Variants in REPS1 observed in about 807,000 individuals in gnomAD.
REPS1 encodes the protein RALBP1 associated Eps domain containing 1.
In REPS1, 39 loss-of-function variants were observed where a neutral mutation model predicts 100.9. That is an observed-to-expected ratio of 0.39 (90% CI 0.30 to 0.50). REPS1 has a LOEUF of 0.50. Ranked by LOEUF, REPS1 falls within the 20% of genes least tolerant of loss-of-function variation. REPS1 has a pLI of 0.86. For synonymous variants in REPS1, 324 were observed against 340.3 expected (o/e 0.95, Z 0.53); for missense variants, 821 against 968.5 (o/e 0.85, Z 2.02).
chr6:138,912,603 C>A, intron 16 of REPS1, 162 bp downstream of exon 16: 1 of 684,724 alleles, frequency 1.5e-6, no homozygotes, highest in Non-Finnish European at 2.6e-6. Context: ...GTAAGCATTA[C>A]ACTGCAACCA....
chr6:138,961,333 T>G (rs1052876653), intron 1 of REPS1, among the ~76,000 whole-genome samples: 17 of 152,044 alleles, frequency 1.1e-4, no homozygotes, highest in Non-Finnish European at 2.4e-4. Flanking sequence ...ACCTCCCGGG[T>G]TCACGTCATT....
chr6:138,934,206 G>T, intron 8 of REPS1: 1 of 386,262 alleles, frequency 2.6e-6, no homozygotes, highest in Admixed American at 3.1e-5. Context: ...CGGAGGCAGG[G>T]GTGTAGTTTT....
rs1785360244 is a variant in REPS1 at position 138,987,770 on chromosome 6, GC to G, written c.-89del. On this transcript the variant is annotated 5_prime_UTR_variant, in exon 1 of 20. Coordinates refer to ENST00000450536, the MANE Select transcript of REPS1 (RefSeq NM_001286611.2). ...CCTGGGCCGGCAGGGGCTGCGCGTG[GC>G]CCGGCCTCCTGCTAGCTTCCCGAAA... 4.4e-6 allele frequency: 6 copies of G among 1,375,988 alleles called. No individual in the cohort carries two copies. 85.2% of individuals were successfully genotyped at this position (1,375,988 alleles called of 1,614,324 possible).
At chr6:138,967,601 A>T (rs932477917) in intron 1 of REPS1, among the ~76,000 whole-genome samples, 3 of 152,152 alleles carry the variant, frequency 2.0e-5, no homozygotes, top group Non-Finnish European at 4.4e-5. Flanking sequence ...GTTTTCCTGA[A>T]GACTTTCTTA....
intron 17 of REPS1, 35 bp downstream of exon 17, chr6:138,911,241 T>G: frequency 7.4e-7 from 1 of 1,348,328 alleles, no homozygotes; most frequent in East Asian, 2.3e-5. Flanking sequence ...ACTTATGATG[T>G]ACAAAATTAT....
intron 1 of REPS1, 29 bp from the exon 2 acceptor site, chr6:138,947,942 G>C: frequency 1.3e-6 from 2 of 1,540,078 alleles, no homozygotes; most frequent in Non-Finnish European, 1.7e-6. Context: ...TTAACATTAA[G>C]ATTCACAACA....
intron 1 of REPS1, among the ~76,000 whole-genome samples, chr6:138,983,027 A>T (rs1201378186): frequency 1.3e-5 from 2 of 152,246 alleles, no homozygotes; most frequent in Non-Finnish European, 2.9e-5. Flanking sequence ...AACTATGGGG[A>T]AGTCAAAATC....
In REPS1 at chr6:138,987,582, C is replaced by A; in HGVS notation, c.101G>T (p.Arg34Leu). 6.4e-7 allele frequency: 1 copy of A among 1,550,954 alleles called. No homozygotes were observed. Among genetic ancestry groups the A allele is most frequent in the Non-Finnish European group, 8.7e-7 (1 of 1,146,678 alleles). Residue 34 changes from arginine (R) to leucine (L), a missense_variant, in exon 1 of 20, where the codon CGG becomes CTG. This residue lies in a region of REPS1 where 28 missense variants were observed against 65.3 expected (regional missense o/e 0.43). Transcript: ENST00000450536. ...CGCGGCCCGGAACAGCTCCAGCACC[C>A]GCCCGTTGACCACCACCTTCTTGGT... Reference protein sequence around the residue: ...ESTKKVVVNGRVLELFRAAQL... With the variant: ...ESTKKVVVNGLVLELFRAAQL...
At chr6:138,971,256 T>A (rs1002065211) in intron 1 of REPS1, among the ~76,000 whole-genome samples, 6 of 152,320 alleles carry the variant, frequency 3.9e-5, no homozygotes, top group African/African-American at 1.2e-4. Flanking sequence ...TTTTAAGATC[T>A]GCAGTTTCTA....
At chr6:138,931,990 G>T (rs1350227967) in intron 8 of REPS1, among the ~76,000 whole-genome samples, 1 of 152,150 alleles carries the variant, frequency 6.6e-6, no homozygotes, top group Non-Finnish European at 1.5e-5. Flanking sequence ...TTTAAAGCAA[G>T]ACTCTATTAC....
chr6:138,935,232 A>C (rs2128463318), intron 8 of REPS1, among the ~76,000 whole-genome samples: 1 of 152,350 alleles, frequency 6.6e-6, no homozygotes, highest in Non-Finnish European at 1.5e-5. Flanking sequence ...TAAAAAAATC[A>C]AAGTAAAAAT....
chr6:138,943,400 T>C (rs1466519174), intron 7 of REPS1, 113 bp downstream of exon 7: 4 of 601,052 alleles, frequency 6.7e-6, no homozygotes, highest in African/African-American at 1.8e-5. Context: ...ACTGAGTTCT[T>C]TGACAGCATT....
chr6:138,938,850 ATTT>A (rs34695956), intron 8 of REPS1, among the ~76,000 whole-genome samples: 4 of 145,480 alleles, frequency 2.7e-5, no homozygotes, highest in Admixed American at 6.9e-5. Context: ...TATTTTTATA[ATTT>A]TTTTTTTTTT....
intron 2 of REPS1, 143 bp downstream of exon 2, chr6:138,947,647 G>A: frequency 1.6e-6 from 1 of 620,596 alleles, no homozygotes; most frequent in Non-Finnish European, 2.6e-6. Flanking sequence ...AGAAATGCAA[G>A]GTAGTGGGAA....
Position 138,916,406 on chromosome 6 carries a change from A to C in REPS1, c.1602-430T>G, listed in dbSNP as rs560604312. Among the ~76,000 whole-genome samples the C allele has an allele frequency of 9.9e-5, 15 of 151,586 alleles. No homozygotes were observed. In the South Asian group the frequency reaches 3.1e-3, roughly 32 times the overall value. On this transcript the variant is annotated intron_variant, in intron 13 of 19. Coordinates refer to ENST00000450536, the MANE Select transcript of REPS1 (RefSeq NM_001286611.2). ...CGGCTAATTTTTGTATTTTTAGTAG[A>C]GACGGAGTTTCACCATGTTGGCCAG...
chr6:138,935,495 C>T (rs1032934512), intron 8 of REPS1, among the ~76,000 whole-genome samples: 1 of 151,886 alleles, frequency 6.6e-6, no homozygotes, highest in African/African-American at 2.4e-5. Context: ...AAGAGGAAAA[C>T]AGTTAATTGG....
rs1779492832 is a variant in REPS1 at position 138,903,932 on chromosome 6, T to C, written c.*1132A>G. 6.6e-6 allele frequency: 1 copy of C among 152,236 alleles called. No homozygotes were observed. The highest frequency in any genetic ancestry group is 2.1e-4 in the South Asian group (1 of 4,832). 9.4% of individuals were successfully genotyped at this position (152,236 alleles called of 1,614,324 possible). A position where few individuals can be genotyped will look rare whatever the true frequency, so the allele number is the denominator to read the frequency against. ...TTTAGGACTGTGAATCTATAGTATT[T>C]AAACATTTTTTCTTTCAGAAATGAA... On this transcript the variant is annotated 3_prime_UTR_variant, in exon 20 of 20. Coordinates refer to ENST00000450536, the MANE Select transcript of REPS1 (RefSeq NM_001286611.2).
chr6:138,936,934 C>A (rs934073778), intron 8 of REPS1, among the ~76,000 whole-genome samples: 1 of 152,056 alleles, frequency 6.6e-6, no homozygotes, highest in South Asian at 2.1e-4. Flanking sequence ...TCTATTAGTC[C>A]ATTTTCACAT....
At chr6:138,907,313 AGTGTGTGTG>A (rs1779721228) in intron 19 of REPS1, 173 bp downstream of exon 19, 1 of 132,592 alleles carries the variant, frequency 7.5e-6, no homozygotes, top group African/African-American at 3.5e-5. Flanking sequence ...AAAAAAAAAA[AGTGTGTGTG>A]TGTGTGTGTG....
Sources: allele counts gnomAD v4.1 joint callset (sites outside exome capture counted in the v4.1 genomes callset), GRCh38; gene constraint gnomAD v4.1.1; regional missense constraint gnomAD v4.1.1; transcripts MANE v1.5; gene names NCBI Gene and HGNC (gene_info 2026-07-23, HGNC 2026-07-21).